Variants in ANKRD45 observed in about 807,000 individuals in gnomAD.
ANKRD45 encodes ankyrin repeat domain-containing protein 45.
In ANKRD45, 21 loss-of-function variants were observed where a neutral mutation model predicts 28.1. That is an observed-to-expected ratio of 0.75 (90% CI 0.53 to 1.08). ANKRD45 has a LOEUF of 1.08. Ranked by LOEUF, ANKRD45 falls within the 50% of genes least tolerant of loss-of-function variation. ANKRD45 has a pLI of 0.00. For synonymous variants in ANKRD45, 86 were observed against 103.9 expected (o/e 0.83, Z 1.05); for missense variants, 261 against 308.7 (o/e 0.85, Z 1.16).
At chr1:173,666,618 C>G (rs532003860) in intron 1 of ANKRD45, among the ~76,000 whole-genome samples, 3 of 152,078 alleles carry the variant, frequency 2.0e-5, no homozygotes, top group Admixed American at 1.3e-4. Flanking sequence ...AGTCTGTATA[C>G]GTTTAGTACA....
At chr1:173,710,176 A>G in the ANKRD45 span, among the ~76,000 whole-genome samples, 1 of 152,072 alleles carries the variant, frequency 6.6e-6, no homozygotes, top group Non-Finnish European at 1.5e-5. Context: ...CAAACAAACA[A>G]ACAAAATAGC....
At chr1:173,643,894 A>G (rs1668811819) in intron 3 of ANKRD45, among the ~76,000 whole-genome samples, 2 of 152,218 alleles carry the variant, frequency 1.3e-5, no homozygotes, top group African/African-American at 4.8e-5. Context: ...ATTATGGATT[A>G]CGAAAGGTTT....
the ANKRD45 span, among the ~76,000 whole-genome samples, chr1:173,703,844 G>A: frequency 6.6e-6 from 1 of 152,248 alleles, no homozygotes; most frequent in African/African-American, 2.4e-5. Flanking sequence ...GTGAGAGAAG[G>A]GAAAGTACTT....
rs1194001640 is a variant in ANKRD45, at chr1:173,659,438, G to A, written c.-15-5C>T. 2 of 1,491,506 alleles carry A rather than the reference G, an allele frequency of 1.3e-6. No individual in the cohort carries two copies. The highest frequency in any genetic ancestry group is 1.8e-6 in the Non-Finnish European group (2 of 1,121,158). The allele number at this position is 1,491,506 out of a possible 1,614,324, so 92.4% of individuals were successfully genotyped here. A position where few individuals can be genotyped will look rare whatever the true frequency, so the allele number is the denominator to read the frequency against. On this transcript the variant is annotated splice_polypyrimidine_tract_variant and splice_region_variant and intron_variant, in intron 1 of 5. Coordinates refer to ENST00000333279, the MANE Select transcript of ANKRD45 (RefSeq NM_198493.3). The stretch of plus-strand genomic sequence containing the variant: ...CTCCATTAACTCCAAAAATACCTAT[G>A]ACCAAAAAAATAAAAAAGTGATAAA...
At chr1:173,613,851 A>T (rs1667341639) in intron 5 of ANKRD45, among the ~76,000 whole-genome samples, 1 of 152,242 alleles carries the variant, frequency 6.6e-6, no homozygotes. Context: ...GGGAAAAGAT[A>T]GAGAAATCAG....
the ANKRD45 span, among the ~76,000 whole-genome samples, chr1:173,685,311 T>C: frequency 6.6e-6 from 1 of 152,186 alleles, no homozygotes; most frequent in African/African-American, 2.4e-5. Flanking sequence ...GTGAACTTTG[T>C]ATTGGGAGAT....
chr1:173,669,591 T>A (rs1213002752), intron 1 of ANKRD45: 2 of 429,474 alleles, frequency 4.7e-6, no homozygotes, highest in Non-Finnish European at 9.3e-6. Flanking sequence ...GAGTTTGCTC[T>A]TCGGCCTGAA....
intron 3 of ANKRD45, among the ~76,000 whole-genome samples, chr1:173,637,903 C>G (rs1426315783): frequency 6.6e-6 from 1 of 152,132 alleles, no homozygotes; most frequent in African/African-American, 2.4e-5. Flanking sequence ...GCCCCACTGC[C>G]CATTGTAGCA....
At chr1:173,690,064 C>G in the ANKRD45 span, among the ~76,000 whole-genome samples, 3 of 66,680 alleles carry the variant, frequency 4.5e-5, no homozygotes, top group African/African-American at 3.6e-4. Context: ...TGCCCCCCGC[C>G]CCCCCCCCCC....
intron 5 of ANKRD45, among the ~76,000 whole-genome samples, chr1:173,617,874 C>T (rs1202143516): frequency 2.0e-5 from 3 of 152,192 alleles, no homozygotes; most frequent in South Asian, 2.1e-4. Flanking sequence ...ACAGGAGTGT[C>T]CAGGCTGGCA....
At chr1:173,616,902 G>T (rs1036005153) in intron 5 of ANKRD45, among the ~76,000 whole-genome samples, 1 of 152,102 alleles carries the variant, frequency 6.6e-6, no homozygotes, top group African/African-American at 2.4e-5. Flanking sequence ...GTGGGGCAAT[G>T]GCCCACCCAA....
At chr1:173,624,197 C>A (rs2102324439) in intron 5 of ANKRD45, among the ~76,000 whole-genome samples, 1 of 152,172 alleles carries the variant, frequency 6.6e-6, no homozygotes. Context: ...AGATGAGAAT[C>A]AAAATCACCG....
intron 3 of ANKRD45, among the ~76,000 whole-genome samples, chr1:173,632,766 C>T (rs1668251461): frequency 6.6e-6 from 1 of 151,920 alleles, no homozygotes; most frequent in Non-Finnish European, 1.5e-5. Flanking sequence ...GGACACAAAC[C>T]ATATGATCAT....
the ANKRD45 span, among the ~76,000 whole-genome samples, chr1:173,689,736 A>G: frequency 1.3e-5 from 2 of 151,424 alleles, no homozygotes; most frequent in South Asian, 2.1e-4. Context: ...TTTTATTATT[A>G]TCTCCCTTAC....
chr1:173,626,646 C>T (rs950669937), intron 4 of ANKRD45, among the ~76,000 whole-genome samples: 6 of 148,300 alleles, frequency 4.0e-5, no homozygotes, highest in African/African-American at 1.2e-4. Context: ...CAAGAGATAA[C>T]TATGATCTGT....
In ANKRD45 at chr1:173,613,567, C is replaced by CA. The variant is rs1424374895; in HGVS notation, c.731-3353_731-3352insT. ...GGGAGGGAGGTGGGGGGTCAGCCCC[C>CA]CCCCCGGCCAGCCGCCCCGTCCGGG... On this transcript the variant is annotated intron_variant, in intron 5 of 5. Transcript: ENST00000333279. 4.7e-5 allele frequency among the ~76,000 whole-genome samples: 7 copies of CA among 148,138 alleles called. 1 individual carries two copies. The highest frequency in any genetic ancestry group is 1.5e-4 in the African/African-American group (6 of 39,686).
intron 3 of ANKRD45, among the ~76,000 whole-genome samples, chr1:173,629,398 T>C (rs937699103): frequency 6.6e-6 from 1 of 152,020 alleles, no homozygotes; most frequent in Non-Finnish European, 1.5e-5. Flanking sequence ...CTCAAAGAAA[T>C]TCAAGATAAC....
the ANKRD45 span, among the ~76,000 whole-genome samples, chr1:173,679,198 T>G: frequency 6.6e-6 from 1 of 152,140 alleles, no homozygotes; most frequent in Non-Finnish European, 1.5e-5. Flanking sequence ...AAAAACTACT[T>G]TAAAGTTCAT....
At chr1:173,682,279 C>T in the ANKRD45 span, among the ~76,000 whole-genome samples, 2 of 151,964 alleles carry the variant, frequency 1.3e-5, no homozygotes, top group East Asian at 3.9e-4. Context: ...TTTTTTTAAA[C>T]AAAGACATTT....
Sources: allele counts gnomAD v4.1 joint callset (sites outside exome capture counted in the v4.1 genomes callset), GRCh38; gene constraint gnomAD v4.1.1; transcripts MANE v1.5; gene names NCBI Gene and HGNC (gene_info 2026-07-23, HGNC 2026-07-21).